SIK2: variants seen among roughly 807,000 people sequenced by gnomAD.
SIK2 encodes the protein salt inducible kinase 2, also known as serine/threonine-protein kinase SIK2.
SIK2 carries 29 observed loss-of-function variants against 103.2 expected under a neutral mutation model. The observed-to-expected ratio is 0.28, with a 90% CI of 0.21 to 0.38. SIK2 has a LOEUF of 0.38. Ranked by LOEUF, SIK2 falls within the 10% of genes least tolerant of loss-of-function variation. The probability of loss-of-function intolerance (pLI) is 1.00; values close to 1 mark genes in which losing one functional copy is unlikely to be tolerated. For synonymous variants in SIK2, 412 were observed against 446.1 expected (o/e 0.92, Z 0.96); for missense variants, 879 against 1,171.0 (o/e 0.75, Z 3.64).
chr11:111,730,456 A>T lies in SIK2; in HGVS notation c.*6327A>T, dbSNP rs1245845898. 1 of 152,264 alleles carries T rather than the reference A, an allele frequency of 6.6e-6. No individual in the cohort carries two copies. The highest frequency in any genetic ancestry group is 1.5e-5 in the Non-Finnish European group (1 of 68,054). The allele number at this position is 152,264 out of a possible 1,614,324, so 9.4% of individuals were successfully genotyped here. ...GCAGTTTGAGAAATAAAAGGGATAC[A>T]GAGATATCTGCACTTTGTAGAAAGG... is the stretch of plus-strand genomic sequence containing the variant. On this transcript the variant is annotated 3_prime_UTR_variant, in exon 15 of 15. Coordinates refer to ENST00000304987, the MANE Select transcript of SIK2 (RefSeq NM_015191.3).
chr11:111,674,773 G>A (rs1314217104), intron 3 of SIK2, among the ~76,000 whole-genome samples: 2 of 150,430 alleles, frequency 1.3e-5, no homozygotes, highest in Non-Finnish European at 3.0e-5. Context: ...TTGAGACGGA[G>A]TCTCGTTCTG....
rs896984116 is a variant in SIK2 at position 111,654,895 on chromosome 11, C to A, written c.317-33106C>A. On this transcript the variant is annotated intron_variant, in intron 3 of 14. Transcript: ENST00000304987. Reference sequence around the variant, plus strand: ...TTAAATGAGGTGAAATTTTCCTCCCCAGGTAGGGACTAGTTTTGTTTCTCA... The same window carrying A: ...TTAAATGAGGTGAAATTTTCCTCCCAAGGTAGGGACTAGTTTTGTTTCTCA... Among the ~76,000 whole-genome samples, 9 of 152,234 alleles carry A rather than the reference C, an allele frequency of 5.9e-5. No individual in the cohort carries two copies. In the East Asian group the frequency reaches 1.4e-3, roughly 23 times the overall value.
chr11:111,625,978 T>C (rs570628069), intron 3 of SIK2, among the ~76,000 whole-genome samples: 1 of 152,338 alleles, frequency 6.6e-6, no homozygotes, highest in East Asian at 1.9e-4. Context: ...TGTTCTTTCT[T>C]GCTAAGATCT....
intron 3 of SIK2, among the ~76,000 whole-genome samples, chr11:111,626,991 T>G (rs1023468495): frequency 3.0e-4 from 45 of 152,128 alleles, no homozygotes; most frequent in Admixed American, 2.9e-3. Flanking sequence ...AAAAAGAGAT[T>G]GGTGCCCAAG....
chr11:111,676,941 A>G (rs1366003090), intron 3 of SIK2, among the ~76,000 whole-genome samples: 1 of 152,254 alleles, frequency 6.6e-6, no homozygotes, highest in Non-Finnish European at 1.5e-5. Flanking sequence ...ATATTATTAT[A>G]ACACTACCAT....
chr11:111,664,019 G>A (rs2135873731), intron 3 of SIK2, among the ~76,000 whole-genome samples: 1 of 152,214 alleles, frequency 6.6e-6, no homozygotes, highest in African/African-American at 2.4e-5. Context: ...CACTCTCCAG[G>A]GAGGAAGTAG....
In SIK2 at chr11:111,703,406, C is replaced by G. The variant is rs1278800037; in HGVS notation, c.931C>G (p.Gln311Glu). Residue 311 changes from glutamine (Q) to glutamate (E), a missense_variant, in exon 7 of 15, where the codon CAG becomes GAG. Physicochemically the swap from Gln to Glu is conservative, Grantham distance 29 (BLOSUM62 2). Coordinates refer to ENST00000304987, the MANE Select transcript of SIK2 (RefSeq NM_015191.3). Reference sequence around the variant, plus strand: ...ACTGATGCACAGCCTTGGAATAGATCAGCAGAAAACCATTGAGGTAAAGTG... The same window carrying G: ...ACTGATGCACAGCCTTGGAATAGATGAGCAGAAAACCATTGAGGTAAAGTG... ...LRLMHSLGID[Q>E]QKTIESLQNK... 8 of 1,613,776 alleles carry G rather than the reference C, an allele frequency of 5.0e-6. No individual in the cohort carries two copies. The highest frequency in any genetic ancestry group is 6.8e-6 in the Non-Finnish European group (8 of 1,179,852).
intron 6 of SIK2, among the ~76,000 whole-genome samples, chr11:111,702,161 C>A (rs981013128): frequency 6.6e-5 from 10 of 152,200 alleles, no homozygotes; most frequent in African/African-American, 1.2e-4. Flanking sequence ...TGGTTTTAAT[C>A]CTGAGTCCAC....
intron 1 of SIK2, among the ~76,000 whole-genome samples, chr11:111,610,351 G>T (rs1361643007): frequency 3.9e-5 from 6 of 151,904 alleles, no homozygotes; most frequent in Non-Finnish European, 8.8e-5. Context: ...TTAGCCTGGC[G>T]TGGTGGTGCA....
At chr11:111,629,707 C>T (rs1488721752) in intron 3 of SIK2, among the ~76,000 whole-genome samples, 1 of 152,022 alleles carries the variant, frequency 6.6e-6, no homozygotes, top group Non-Finnish European at 1.5e-5. Context: ...CCAAAAAGCA[C>T]ATGAAAAATT....
At position 111,724,068 on chromosome 11, in the gene SIK2, T is replaced by C. The variant is rs755875385; in HGVS notation, c.2720T>C (p.Phe907Ser). The C allele has an allele frequency of 4.3e-6, 7 of 1,613,946 alleles. No homozygotes were observed. The South Asian group carries it at 4.4e-5, about 10-fold the overall frequency. The stretch of plus-strand genomic sequence containing the variant: ...GCCCTCTCTGAGCTACCTGGACTCT[T>C]TGATTGTGAAATGCTAGACGCTGTG... The part of the protein sequence containing the change: ...PLALSELPGL[F>S]DCEMLDAVDP... The change falls in exon 15 of 15, where the codon TTT becomes TCT. Residue 907 changes from phenylalanine to serine, a missense_variant. Physicochemically the swap from Phe to Ser is radical, Grantham distance 155. Coordinates refer to ENST00000304987, the MANE Select transcript of SIK2 (RefSeq NM_015191.3).
At chr11:111,644,287 C>CA (rs559236704) in intron 3 of SIK2, among the ~76,000 whole-genome samples, 838 of 41,062 alleles carry the variant, frequency 0.02, 6 homozygotes, top group East Asian at 0.041. Flanking sequence ...GACTCCATCT[C>CA]AAAAAAAAAA....
intron 3 of SIK2, among the ~76,000 whole-genome samples, chr11:111,641,766 TC>T (rs1264631990): frequency 6.6e-6 from 1 of 152,178 alleles, no homozygotes; most frequent in Non-Finnish European, 1.5e-5. Context: ...TAGACCTAGC[TC>T]TTTTTTCCAA....
chr11:111,682,825 G>A (rs887642209), intron 3 of SIK2, among the ~76,000 whole-genome samples: 3 of 152,154 alleles, frequency 2.0e-5, no homozygotes, highest in Non-Finnish European at 4.4e-5. Flanking sequence ...GTAATTGCCT[G>A]TTTACCTTGC....
At chr11:111,697,851 G>GA (rs998429144) in intron 4 of SIK2, among the ~76,000 whole-genome samples, 6 of 151,088 alleles carry the variant, frequency 4.0e-5, no homozygotes, top group Non-Finnish European at 7.4e-5. Flanking sequence ...AAGAAAAAAG[G>GA]AAAAAAAAAT....
chr11:111,724,171 G>A lies in SIK2; in HGVS notation c.*42G>A, dbSNP rs570496665. 3.2e-6 allele frequency: 5 copies of A among 1,561,592 alleles called. No homozygotes were observed. The highest frequency in any genetic ancestry group is 3.7e-5 in the Admixed American group (2 of 54,574). ...GAGGTGGGTCAGGTGAAGGAAGAGTGTATGTTCCTATTTTTATTCCAGCCT... is the reference window on the plus strand; with the variant it reads ...GAGGTGGGTCAGGTGAAGGAAGAGTATATGTTCCTATTTTTATTCCAGCCT... On this transcript the variant is annotated 3_prime_UTR_variant, in exon 15 of 15. Transcript: ENST00000304987.
At position 111,726,075 on chromosome 11, in the gene SIK2, T is replaced by C. The variant is rs1215213557; in HGVS notation, c.*1946T>C. On this transcript the variant is annotated 3_prime_UTR_variant, in exon 15 of 15. Coordinates refer to ENST00000304987, the MANE Select transcript of SIK2 (RefSeq NM_015191.3). Reference sequence around the variant, plus strand: ...TAAGAGATCATTTCATTAAGATCTCTAATCTGTTTTGAGTCTTTACAAAAT... The same window carrying C: ...TAAGAGATCATTTCATTAAGATCTCCAATCTGTTTTGAGTCTTTACAAAAT... The C allele has an allele frequency of 6.6e-6, 1 of 152,376 alleles. No individual in the cohort carries two copies. The highest frequency in any genetic ancestry group is 1.9e-4 in the East Asian group (1 of 5,192). 9.4% of individuals were successfully genotyped at this position (152,376 alleles called of 1,614,324 possible). A position where few individuals can be genotyped will look rare whatever the true frequency, so the allele number is the denominator to read the frequency against.
At chr11:111,669,501 C>T (rs780005717) in intron 3 of SIK2, among the ~76,000 whole-genome samples, 4 of 152,014 alleles carry the variant, frequency 2.6e-5, no homozygotes, top group Non-Finnish European at 4.4e-5. Context: ...GAGGCTAAGG[C>T]AGGAGAATCG....
At chr11:111,644,456 G>A (rs1942229360) in intron 3 of SIK2, among the ~76,000 whole-genome samples, 1 of 151,958 alleles carries the variant, frequency 6.6e-6, no homozygotes, top group African/African-American at 2.4e-5. Context: ...ACAGCCACAG[G>A]CACGTATCTC....
Sources: allele counts gnomAD v4.1 joint callset (sites outside exome capture counted in the v4.1 genomes callset), GRCh38; gene constraint gnomAD v4.1.1; transcripts MANE v1.5; gene names NCBI Gene and HGNC (gene_info 2026-07-23, HGNC 2026-07-21).